PDE4B: variants seen among roughly 807,000 people sequenced by gnomAD.
PDE4B encodes the protein phosphodiesterase 4B.
In PDE4B, 20 loss-of-function variants were observed where a neutral mutation model predicts 82.2. That is an observed-to-expected ratio of 0.24 (90% CI 0.17 to 0.35). PDE4B has a LOEUF of 0.35. Ranked by LOEUF, PDE4B falls within the 10% of genes least tolerant of loss-of-function variation. The probability of loss-of-function intolerance (pLI) is 1.00; values close to 1 mark genes in which losing one functional copy is unlikely to be tolerated. For synonymous variants in PDE4B, 320 were observed against 318.9 expected (o/e 1.00, Z -0.04); for missense variants, 655 against 907.2 (o/e 0.72, Z 3.57).
chr1:66,096,199 C>T (rs1645110772), intron 3 of PDE4B, among the ~76,000 whole-genome samples: 2 of 151,660 alleles, frequency 1.3e-5, no homozygotes, highest in South Asian at 4.2e-4. Flanking sequence ...CTCTAGTATC[C>T]TCTGTTCTAT....
At chr1:65,924,969 G>A (rs1245030500) in intron 3 of PDE4B, among the ~76,000 whole-genome samples, 1 of 152,126 alleles carries the variant, frequency 6.6e-6, no homozygotes, top group Non-Finnish European at 1.5e-5. Context: ...TGTTCATTAG[G>A]TCTTACACAT....
chr1:66,179,866 G>A (rs1347045224), intron 3 of PDE4B, among the ~76,000 whole-genome samples: 1 of 152,022 alleles, frequency 6.6e-6, no homozygotes, highest in Non-Finnish European at 1.5e-5. Flanking sequence ...TTACGAGTTC[G>A]GAATCCAATG....
intron 1 of PDE4B, among the ~76,000 whole-genome samples, chr1:65,886,863 T>C (rs1557798646): frequency 6.6e-6 from 1 of 152,320 alleles, no homozygotes; most frequent in East Asian, 1.9e-4. Flanking sequence ...TTTTATACAC[T>C]TATTTATTTT....
intron 3 of PDE4B, among the ~76,000 whole-genome samples, chr1:66,025,234 A>T (rs1048132116): frequency 6.6e-6 from 1 of 152,142 alleles, no homozygotes; most frequent in African/African-American, 2.4e-5. Context: ...AGACAATATT[A>T]AGAAACAGAG....
At chr1:66,242,924 G>T (rs534387384) in intron 3 of PDE4B, among the ~76,000 whole-genome samples, 1 of 152,262 alleles carries the variant, frequency 6.6e-6, no homozygotes, top group Admixed American at 6.5e-5. Flanking sequence ...GATTCCCCAG[G>T]AATAGAAACC....
At chr1:66,321,340 T>A (rs1358304751) in intron 7 of PDE4B, among the ~76,000 whole-genome samples, 1 of 152,182 alleles carries the variant, frequency 6.6e-6, no homozygotes, top group Non-Finnish European at 1.5e-5. Context: ...GGTTCTAACT[T>A]ATGAATGTTT....
intron 3 of PDE4B, among the ~76,000 whole-genome samples, chr1:65,977,414 A>G (rs150757762): frequency 2.6e-5 from 4 of 152,334 alleles, no homozygotes; most frequent in African/African-American, 7.2e-5. Flanking sequence ...AAGCATTGAG[A>G]GCATCATTAC....
chr1:66,180,079 T>G (rs1241760809), intron 3 of PDE4B, among the ~76,000 whole-genome samples: 1 of 152,212 alleles, frequency 6.6e-6, no homozygotes, highest in South Asian at 2.1e-4. Context: ...TGTGCCTGTT[T>G]AGTGGAAACA....
intron 1 of PDE4B, among the ~76,000 whole-genome samples, chr1:65,891,829 A>G (rs1646856085): frequency 6.6e-6 from 1 of 152,038 alleles, no homozygotes; most frequent in African/African-American, 2.4e-5. Flanking sequence ...AGAACATAAT[A>G]TTTTTACTTC....
At chr1:66,321,822 CT>C (rs1237136597) in intron 7 of PDE4B, among the ~76,000 whole-genome samples, 1 of 152,138 alleles carries the variant, frequency 6.6e-6, no homozygotes, top group Admixed American at 6.6e-5. Context: ...GAAAAAACTA[CT>C]TTAAAGCTCA....
chr1:66,299,934 A>C (rs1260153084), intron 7 of PDE4B, among the ~76,000 whole-genome samples: 1 of 152,196 alleles, frequency 6.6e-6, no homozygotes, highest in African/African-American at 2.4e-5. Flanking sequence ...ATTTCATTAT[A>C]GAATGTAAAT....
chr1:65,958,974 G>A (rs1649410950), intron 3 of PDE4B, among the ~76,000 whole-genome samples: 1 of 152,290 alleles, frequency 6.6e-6, no homozygotes, highest in African/African-American at 2.4e-5. Flanking sequence ...ATTTGAGTGT[G>A]TTCTGTGCTT....
At chr1:66,319,730 C>G (rs1289975575) in intron 7 of PDE4B, among the ~76,000 whole-genome samples, 1 of 152,092 alleles carries the variant, frequency 6.6e-6, no homozygotes, top group Non-Finnish European at 1.5e-5. Flanking sequence ...GACAATAATA[C>G]CTCTCTCGAA....
intron 3 of PDE4B, among the ~76,000 whole-genome samples, chr1:66,214,618 T>C (rs997229845): frequency 2.6e-5 from 4 of 152,154 alleles, no homozygotes; most frequent in Non-Finnish European, 5.9e-5. Context: ...ATTAACAAAT[T>C]TATTTATTTT....
intron 3 of PDE4B, among the ~76,000 whole-genome samples, chr1:66,098,537 G>C (rs1209095380): frequency 1.3e-5 from 2 of 152,110 alleles, no homozygotes; most frequent in Admixed American, 6.6e-5. Flanking sequence ...AGCCTGCAAA[G>C]GTTACATATG....
chr1:66,354,081 G>C (rs950274910), intron 8 of PDE4B, among the ~76,000 whole-genome samples: 2 of 152,150 alleles, frequency 1.3e-5, no homozygotes, highest in Non-Finnish European at 2.9e-5. Flanking sequence ...ACTGGCACAC[G>C]CTTGGTGTGT....
chr1:65,978,274 C>A (rs988871850), intron 3 of PDE4B, among the ~76,000 whole-genome samples: 2 of 151,952 alleles, frequency 1.3e-5, no homozygotes, highest in African/African-American at 4.8e-5. Flanking sequence ...GTGATCCACC[C>A]GCCTTGGCCT....
chr1:66,110,851 C>T (rs143391310), intron 3 of PDE4B, among the ~76,000 whole-genome samples: 1 of 152,144 alleles, frequency 6.6e-6, no homozygotes, highest in African/African-American at 2.4e-5. Flanking sequence ...ATCACCACTG[C>T]CTTCTGCAAC....
At chr1:65,850,360 G>A (rs761931170) in intron 1 of PDE4B, among the ~76,000 whole-genome samples, 9 of 152,118 alleles carry the variant, frequency 5.9e-5, no homozygotes, top group Non-Finnish European at 1.0e-4. Flanking sequence ...GCCTCCCAAA[G>A]TGCTGGGATT....
Sources: gnomAD v4.1 joint callset for allele counts (sites outside exome capture counted in the v4.1 genomes callset) on GRCh38, gnomAD v4.1.1 for gene constraint, MANE v1.5 for transcripts, NCBI Gene and HGNC (gene_info 2026-07-23, HGNC 2026-07-21) for gene names.